The following TAF3 variants were observed in gnomAD, a reference collection of about 807,000 sequenced individuals.
The protein encoded by TAF3 is transcription initiation factor TFIID subunit 3.
Under a neutral mutation model 80.6 loss-of-function variants are expected in TAF3, and 7 were observed. The ratio of observed to expected loss-of-function variants is 0.09; its 90% confidence interval spans 0.05 to 0.16. The LOEUF is 0.16. Among genes scored for constraint, TAF3 ranks in the 10% least tolerant of loss-of-function variants. TAF3 has a pLI of 1.00. For synonymous variants in TAF3, 444 were observed against 446.1 expected (o/e 1.00, Z 0.06); for missense variants, 921 against 1,140.2 (o/e 0.81, Z 2.77).
intron 4 of TAF3, among the ~76,000 whole-genome samples, chr10:8,001,232 A>G (rs1158483444): frequency 6.6e-6 from 1 of 152,190 alleles, no homozygotes; most frequent in East Asian, 1.9e-4. Context: ...TTCCATAATC[A>G]TTCCAAATAC....
At chr10:7,854,528 T>C (rs1185473840) in intron 2 of TAF3, among the ~76,000 whole-genome samples, 2 of 152,038 alleles carry the variant, frequency 1.3e-5, no homozygotes, top group South Asian at 2.1e-4. Flanking sequence ...GGATTCAGAA[T>C]GGGGAAAGAC....
At chr10:7,966,031 C>A (rs1831567706) in intron 3 of TAF3, among the ~76,000 whole-genome samples, 1 of 150,576 alleles carries the variant, frequency 6.6e-6, no homozygotes, top group East Asian at 2.0e-4. Flanking sequence ...TTAAAAAAAA[C>A]AAATCTGGGT....
chr10:7,985,456 C>T (rs1831767319), intron 4 of TAF3, among the ~76,000 whole-genome samples: 2 of 152,176 alleles, frequency 1.3e-5, no homozygotes, highest in African/African-American at 4.8e-5. Flanking sequence ...TCACCTTCAT[C>T]AAGCCTTCCC....
In TAF3 at chr10:7,977,421, A is replaced by G. The variant is rs1183752580; in HGVS notation, c.2315+98A>G. On this transcript the variant is annotated intron_variant, in intron 4 of 6. Transcript: ENST00000344293. The stretch of plus-strand genomic sequence containing the variant: ...AGAATTCCACAAGCTTCTCCCAGGT[A>G]TGAACCTGTAGGGTCAAGCTTTATT... The G allele has an allele frequency of 3.5e-6, 4 of 1,140,262 alleles. No individual in the cohort carries two copies. The African/African-American group carries it at 4.5e-5, about 13-fold the overall frequency. The allele number at this position is 1,140,262 out of a possible 1,614,324, so 70.6% of individuals were successfully genotyped here. A position where few individuals can be genotyped will look rare whatever the true frequency, so the allele number is the denominator to read the frequency against.
intron 2 of TAF3, among the ~76,000 whole-genome samples, chr10:7,895,806 G>C (rs746376087): frequency 2.0e-5 from 3 of 152,158 alleles, no homozygotes; most frequent in East Asian, 1.9e-4. Flanking sequence ...GTGAAGTGAA[G>C]ATAAAGTGAG....
At chr10:7,924,618 G>A (rs1365259754) in intron 2 of TAF3, among the ~76,000 whole-genome samples, 1 of 152,086 alleles carries the variant, frequency 6.6e-6, no homozygotes, top group Non-Finnish European at 1.5e-5. Flanking sequence ...CGCTATCTTG[G>A]TAGTGATCCT....
intron 4 of TAF3, among the ~76,000 whole-genome samples, chr10:7,995,440 A>G (rs76681064): frequency 0.031 from 4,663 of 152,148 alleles, 104 homozygotes; most frequent in African/African-American, 0.056. Flanking sequence ...ATAGGTTGCC[A>G]TTTTGGTTTC....
intron 4 of TAF3, among the ~76,000 whole-genome samples, chr10:7,991,539 C>T (rs570980030): frequency 3.3e-5 from 5 of 152,074 alleles, no homozygotes; most frequent in Admixed American, 6.5e-5. Context: ...TAATATTAAA[C>T]AGGCAATCTC....
intron 2 of TAF3, among the ~76,000 whole-genome samples, chr10:7,940,871 A>T (rs1244990199): frequency 6.6e-6 from 1 of 151,960 alleles, no homozygotes; most frequent in Non-Finnish European, 1.5e-5. Flanking sequence ...AGGTAAGAGG[A>T]TCACTTGGAC....
chr10:7,920,255 A>G (rs538406274), intron 2 of TAF3, among the ~76,000 whole-genome samples: 1 of 151,352 alleles, frequency 6.6e-6, no homozygotes, highest in Non-Finnish European at 1.5e-5. Flanking sequence ...TTCTTGAGTA[A>G]ATAAATAATT....
chr10:7,988,016 T>C (rs1255156326), intron 4 of TAF3, among the ~76,000 whole-genome samples: 1 of 152,214 alleles, frequency 6.6e-6, no homozygotes, highest in Non-Finnish European at 1.5e-5. Context: ...AGTACATGTA[T>C]CAAATTCATC....
At chr10:7,870,201 A>G (rs1481643975) in intron 2 of TAF3, among the ~76,000 whole-genome samples, 1 of 152,210 alleles carries the variant, frequency 6.6e-6, no homozygotes, top group Non-Finnish European at 1.5e-5. Flanking sequence ...TGAGTAGGGA[A>G]TCATAAAACT....
chr10:7,976,483 C>T (rs532160114), intron 3 of TAF3, among the ~76,000 whole-genome samples: 11 of 149,752 alleles, frequency 7.3e-5, no homozygotes, highest in Non-Finnish European at 1.5e-4. Context: ...GGCATGATCT[C>T]GGCTCACTGT....
At chr10:7,888,717 T>G (rs1380285660) in intron 2 of TAF3, among the ~76,000 whole-genome samples, 1 of 152,238 alleles carries the variant, frequency 6.6e-6, no homozygotes, top group African/African-American at 2.4e-5. Context: ...CTAATTATAA[T>G]GCAAGACAGT....
rs12268560 is a variant in TAF3, at chr10:7,971,718, G to A, written c.2233-5523G>A. Among the ~76,000 whole-genome samples the A allele has an allele frequency of 2.6e-3, 394 of 152,148 alleles. 1 individual carries two copies. The highest frequency in any genetic ancestry group is 0.014 in the Middle Eastern group (4 of 292). On this transcript the variant is annotated intron_variant, in intron 3 of 6. Transcript: ENST00000344293. ...AATTTCCCCTTTAAATCTCTTGAGC[G>A]ATTTTCATTTTTTGCAAGGCCGCAC... is the stretch of plus-strand genomic sequence containing the variant.
At chr10:7,871,435 C>CT (rs527356726) in intron 2 of TAF3, among the ~76,000 whole-genome samples, 1,427 of 69,008 alleles carry the variant, frequency 0.021, 141 homozygotes, top group African/African-American at 0.046. Context: ...ATAACTGCTG[C>CT]TTTTTTTTTT....
At chr10:7,858,894 ATCC>A (rs1291474091) in intron 2 of TAF3, among the ~76,000 whole-genome samples, 2 of 152,066 alleles carry the variant, frequency 1.3e-5, no homozygotes, top group Non-Finnish European at 2.9e-5. Context: ...ATGTGAATGT[ATCC>A]TCCTCCATTA....
chr10:7,875,270 A>G (rs910402052), intron 2 of TAF3, among the ~76,000 whole-genome samples: 1 of 152,140 alleles, frequency 6.6e-6, no homozygotes, highest in African/African-American at 2.4e-5. Context: ...TAAGCATGTG[A>G]CATCCTTTCT....
At chr10:7,999,426 T>TAA (rs550698627) in intron 4 of TAF3, among the ~76,000 whole-genome samples, 16 of 138,410 alleles carry the variant, frequency 1.2e-4, no homozygotes, top group African/African-American at 3.5e-4. Context: ...TAAAGGCTGT[T>TAA]AAAAAAAAAA....
Sources: gnomAD v4.1 joint callset for allele counts (sites outside exome capture counted in the v4.1 genomes callset) on GRCh38, gnomAD v4.1.1 for gene constraint, MANE v1.5 for transcripts, NCBI Gene and HGNC (gene_info 2026-07-23, HGNC 2026-07-21) for gene names.